GPHN: variants seen among roughly 807,000 people sequenced by gnomAD.
GPHN encodes the protein gephyrin.
In GPHN, 17 loss-of-function variants were observed where a neutral mutation model predicts 95.5. That is an observed-to-expected ratio of 0.18 (90% CI 0.12 to 0.27). The LOEUF (loss-of-function observed/expected upper bound fraction) is 0.27, where lower values mean the gene tolerates loss of function less well. GPHN is among the 10% of genes least tolerant of loss of function. The pLI is 1.00. For synonymous variants in GPHN, 320 were observed against 322.5 expected, an observed-to-expected ratio of 0.99 and a Z score of 0.08; for missense variants, 660 against 978.1, an observed-to-expected ratio of 0.67 and a Z score of 4.34.
chr14:67,056,803 AG>A (rs1481243605), intron 10 of GPHN, among the ~76,000 whole-genome samples: 1 of 127,122 alleles, frequency 7.9e-6, no homozygotes, highest in Non-Finnish European at 1.7e-5. Context: ...AGGAGCCCAC[AG>A]TGGGGGTGGG....
At chr14:66,889,932 T>C (rs957044959) in intron 5 of GPHN, among the ~76,000 whole-genome samples, 1 of 152,056 alleles carries the variant, frequency 6.6e-6, no homozygotes, top group Admixed American at 6.6e-5. Flanking sequence ...AATGGAGTCA[T>C]TAGTACCAAT....
At chr14:67,518,633 C>A in the GPHN span, among the ~76,000 whole-genome samples, 1 of 152,208 alleles carries the variant, frequency 6.6e-6, no homozygotes, top group Non-Finnish European at 1.5e-5. Flanking sequence ...GACATATATT[C>A]TGAAAGGCAA....
chr14:66,946,032 T>C (rs1292357620), intron 8 of GPHN, among the ~76,000 whole-genome samples: 1 of 152,212 alleles, frequency 6.6e-6, no homozygotes, highest in Non-Finnish European at 1.5e-5. Context: ...CTGAAATTTT[T>C]TTTTAATTTA....
At chr14:66,772,945 G>A (rs962623991) in intron 2 of GPHN, among the ~76,000 whole-genome samples, 1 of 152,180 alleles carries the variant, frequency 6.6e-6, no homozygotes, top group African/African-American at 2.4e-5. Flanking sequence ...GAGCACTTTA[G>A]AAAAATTAAT....
intron 1 of GPHN, among the ~76,000 whole-genome samples, chr14:66,624,517 A>C (rs1267426677): frequency 1.3e-5 from 2 of 152,212 alleles, no homozygotes; most frequent in Non-Finnish European, 2.9e-5. Context: ...AATGGTGTCC[A>C]CTGGGTGGCA....
chr14:66,591,154 C>T (rs974807038), intron 1 of GPHN, among the ~76,000 whole-genome samples: 11 of 152,248 alleles, frequency 7.2e-5, no homozygotes, highest in African/African-American at 2.6e-4. Context: ...TGAAACATAT[C>T]TCAAAATAAT....
chr14:67,577,926 C>G, the GPHN span: 4 of 1,143,396 alleles, frequency 3.5e-6, no homozygotes, highest in East Asian at 9.5e-5. Flanking sequence ...TCAGTAAACT[C>G]TAACCTCCCT....
the GPHN span, chr14:67,279,120 T>A: frequency 6.7e-7 from 1 of 1,485,928 alleles, no homozygotes; most frequent in Non-Finnish European, 8.9e-7. Context: ...GAGAATTGGC[T>A]TATAGGAAAA....
intron 2 of GPHN, among the ~76,000 whole-genome samples, chr14:66,747,624 C>T (rs561232033): frequency 6.8e-6 from 1 of 146,720 alleles, no homozygotes; most frequent in African/African-American, 2.5e-5. Context: ...AAAAAAAAAA[C>T]AAAACTGCCC....
intron 2 of GPHN, among the ~76,000 whole-genome samples, chr14:66,746,925 G>A (rs2058174563): frequency 1.3e-5 from 2 of 152,076 alleles, no homozygotes; most frequent in South Asian, 2.1e-4. Flanking sequence ...GCTGCCATGG[G>A]ACTGTTCAGG....
chr14:67,496,400 T>G, the GPHN span, among the ~76,000 whole-genome samples: 1 of 123,166 alleles, frequency 8.1e-6, no homozygotes, highest in Admixed American at 8.5e-5. Context: ...CGTTTTTTTT[T>G]TTTTTTTTTT....
chr14:67,591,309 A>G, the GPHN span, among the ~76,000 whole-genome samples: 1 of 152,204 alleles, frequency 6.6e-6, no homozygotes, highest in Non-Finnish European at 1.5e-5. Flanking sequence ...CAAAATCCCC[A>G]AAGTATGATA....
intron 12 of GPHN, among the ~76,000 whole-genome samples, chr14:67,095,407 G>T (rs983843916): frequency 6.6e-6 from 1 of 152,110 alleles, no homozygotes; most frequent in Non-Finnish European, 1.5e-5. Flanking sequence ...AATACCATTT[G>T]GCCCAGCCAT....
At chr14:67,378,127 A>G in the GPHN span, among the ~76,000 whole-genome samples, 1 of 150,188 alleles carries the variant, frequency 6.7e-6, no homozygotes, top group Non-Finnish European at 1.5e-5. Context: ...TGTCTCTTAA[A>G]AAAAAAAAAA....
chr14:67,322,593 G>A, the GPHN span, among the ~76,000 whole-genome samples: 14 of 152,178 alleles, frequency 9.2e-5, no homozygotes, highest in South Asian at 2.9e-3. Flanking sequence ...TTTTGTTTGT[G>A]TTTTAGTGGA....
At chr14:67,337,919 C>A in the GPHN span, 1 of 152,300 alleles carries the variant, frequency 6.6e-6, no homozygotes, top group African/African-American at 2.4e-5. Flanking sequence ...CAACAGTTGT[C>A]TCAAAAGTAA....
chr14:66,904,780 G>C (rs1383354799), intron 5 of GPHN, among the ~76,000 whole-genome samples: 1 of 152,104 alleles, frequency 6.6e-6, no homozygotes, highest in Non-Finnish European at 1.5e-5. Context: ...TGGTCCAGGG[G>C]TCCTCGGTAG....
the GPHN span, chr14:67,617,383 C>A: frequency 6.6e-6 from 1 of 152,198 alleles, no homozygotes; most frequent in African/African-American, 2.4e-5. Context: ...TGTGACCAAT[C>A]TATTAAGGTA....
intron 9 of GPHN, among the ~76,000 whole-genome samples, chr14:67,017,678 C>G (rs2153621675): frequency 6.6e-6 from 1 of 152,142 alleles, no homozygotes; most frequent in South Asian, 2.1e-4. Flanking sequence ...ACCTGAAACT[C>G]TTGGTATAGA....
Sources: allele counts gnomAD v4.1 joint callset (sites outside exome capture counted in the v4.1 genomes callset), GRCh38; gene constraint gnomAD v4.1.1; transcripts MANE v1.5; gene names NCBI Gene and HGNC (gene_info 2026-07-23, HGNC 2026-07-21).